The following KHDRBS2 variants were observed in gnomAD, a reference collection of about 807,000 sequenced individuals.
KHDRBS2 encodes the protein KH RNA binding domain containing, signal transduction associated 2.
In KHDRBS2, 26 loss-of-function variants were observed where a neutral mutation model predicts 44.3. The ratio of observed to expected loss-of-function variants is 0.59; its 90% CI spans 0.43 to 0.81. The LOEUF is 0.81. Among genes scored for constraint, KHDRBS2 ranks in the 40% least tolerant of loss-of-function variants. The pLI, the probability that KHDRBS2 is intolerant of heterozygous loss-of-function variation, is 0.00. For missense variants in KHDRBS2, 476 were observed against 433.1 expected (o/e 1.10, Z -0.88); for synonymous variants, 194 against 151.1 (o/e 1.28, Z -2.08).
intron 1 of KHDRBS2, among the ~76,000 whole-genome samples, chr6:62,195,731 G>A (rs2150134363): frequency 6.6e-6 from 1 of 152,176 alleles, no homozygotes; most frequent in African/African-American, 2.4e-5. Flanking sequence ...TACACAAAGT[G>A]TGCATAGTCC....
chr6:61,912,899 G>A (rs35951800), intron 4 of KHDRBS2, among the ~76,000 whole-genome samples: 10,235 of 152,058 alleles, frequency 0.067, 412 homozygotes, highest in Middle Eastern at 0.13. Flanking sequence ...GATCTCTTCC[G>A]TCTCCAACGC....
At chr6:61,820,415 G>A (rs77810017) in intron 6 of KHDRBS2, among the ~76,000 whole-genome samples, 10,072 of 151,984 alleles carry the variant, frequency 0.066, 395 homozygotes, top group Middle Eastern at 0.13. Context: ...GGCTTGAGCA[G>A]TGGGTGAATA....
intron 1 of KHDRBS2, among the ~76,000 whole-genome samples, chr6:62,208,644 TA>T (rs1412710563): frequency 1.3e-5 from 2 of 152,120 alleles, no homozygotes; most frequent in Non-Finnish European, 2.9e-5. Flanking sequence ...TTAATTTATT[TA>T]AAAACCTCCA....
Position 61,978,185 on chromosome 6 carries a change from CT to C in KHDRBS2, c.363del (p.Ala122ProfsTer6). 6.2e-7 allele frequency: 1 copy of C among 1,606,370 alleles called. No individual in the cohort carries two copies. The highest frequency in any genetic ancestry group is 8.5e-7 in the Non-Finnish European group (1 of 1,177,272). ...TCATCACTCAAGTGGGCATATTTGG[CT>C]TCCCCACTCTTCCTTAGTTCTTCTT... ...AKEEELRKSG[E>X]AKYAHLSDEL... On this transcript the variant is annotated frameshift_variant, in exon 4 of 9. Coordinates refer to ENST00000281156, the MANE Select transcript of KHDRBS2 (RefSeq NM_152688.4). LOFTEE classifies it high-confidence loss of function.
At chr6:61,816,877 C>T in intron 6 of KHDRBS2, 1 of 449,058 alleles carries the variant, frequency 2.2e-6, no homozygotes, top group Non-Finnish European at 4.5e-6. Flanking sequence ...CTAATTTAAA[C>T]CATACACTTT....
chr6:62,194,480 C>CTTTTTTTTTTTTTT (rs70996208), intron 1 of KHDRBS2, among the ~76,000 whole-genome samples: 21 of 69,768 alleles, frequency 3.0e-4, no homozygotes, highest in Non-Finnish European at 3.8e-4. Flanking sequence ...TCTTTTCTTC[C>CTTTTTTTTTTTTTT]TTTTTTTTTT....
At chr6:61,741,136 T>A (rs1776075758) in intron 6 of KHDRBS2, among the ~76,000 whole-genome samples, 2 of 151,924 alleles carry the variant, frequency 1.3e-5, no homozygotes, top group South Asian at 4.1e-4. Flanking sequence ...CCCATGCCAA[T>A]GTTTTTTGTT....
intron 7 of KHDRBS2, among the ~76,000 whole-genome samples, chr6:61,705,992 T>C (rs566329660): frequency 6.6e-6 from 1 of 151,860 alleles, no homozygotes; most frequent in African/African-American, 2.4e-5. Context: ...GCATCATCAT[T>C]GTATTCCCAG....
At chr6:61,642,737 G>A in the KHDRBS2 span, among the ~76,000 whole-genome samples, 1 of 151,868 alleles carries the variant, frequency 6.6e-6, no homozygotes, top group Non-Finnish European at 1.5e-5. Flanking sequence ...GGCATGTCAT[G>A]AGCCTATGTG....
At chr6:61,857,540 T>C (rs1395482884) in intron 6 of KHDRBS2, among the ~76,000 whole-genome samples, 1 of 151,940 alleles carries the variant, frequency 6.6e-6, no homozygotes, top group Non-Finnish European at 1.5e-5. Flanking sequence ...ATATAACTTA[T>C]AATCAATGTT....
chr6:62,020,643 A>T (rs1366690509), intron 3 of KHDRBS2, among the ~76,000 whole-genome samples: 8 of 151,970 alleles, frequency 5.3e-5, no homozygotes, highest in Non-Finnish European at 8.8e-5. Flanking sequence ...AAACTTTATA[A>T]TTTTTATATT....
At chr6:61,569,153 G>A in the KHDRBS2 span, among the ~76,000 whole-genome samples, 2 of 152,196 alleles carry the variant, frequency 1.3e-5, no homozygotes, top group Admixed American at 1.3e-4. Flanking sequence ...CCCTGGCACA[G>A]CAAAGGCAGC....
chr6:61,642,006 T>C, the KHDRBS2 span, among the ~76,000 whole-genome samples: 2 of 152,140 alleles, frequency 1.3e-5, no homozygotes, highest in Non-Finnish European at 2.9e-5. Context: ...AGAGATGAGG[T>C]AGCTTGTTTG....
At chr6:61,829,924 C>T (rs1171095318) in intron 6 of KHDRBS2, among the ~76,000 whole-genome samples, 4 of 152,004 alleles carry the variant, frequency 2.6e-5, no homozygotes, top group Non-Finnish European at 4.4e-5. Flanking sequence ...ATTTAAAAAC[C>T]CACTTTTTCC....
intron 1 of KHDRBS2, among the ~76,000 whole-genome samples, chr6:62,213,387 C>T (rs1206406851): frequency 6.6e-6 from 1 of 151,848 alleles, no homozygotes; most frequent in Non-Finnish European, 1.5e-5. Context: ...TGTGGATCCC[C>T]ACCTCTTTTA....
At chr6:61,968,721 A>C (rs1163721901) in intron 4 of KHDRBS2, among the ~76,000 whole-genome samples, 3 of 152,022 alleles carry the variant, frequency 2.0e-5, no homozygotes, top group Admixed American at 6.6e-5. Flanking sequence ...AGCATGAGAA[A>C]ACTTACAGCA....
At chr6:61,606,512 G>A in the KHDRBS2 span, among the ~76,000 whole-genome samples, 1 of 152,134 alleles carries the variant, frequency 6.6e-6, no homozygotes, top group Non-Finnish European at 1.5e-5. Context: ...AAGTGTGCGT[G>A]GAAGTCATAC....
intron 6 of KHDRBS2, among the ~76,000 whole-genome samples, chr6:61,848,726 T>C (rs933130338): frequency 3.2e-4 from 48 of 149,572 alleles, no homozygotes; most frequent in African/African-American, 1.1e-3. Context: ...CTCGAAATAC[T>C]GCAATCACAT....
intron 6 of KHDRBS2, among the ~76,000 whole-genome samples, chr6:61,853,282 G>A (rs186695205): frequency 2.6e-5 from 4 of 152,126 alleles, no homozygotes; most frequent in Admixed American, 2.6e-4. Flanking sequence ...GGTTATTAAG[G>A]CTATTTTTAT....
Sources: gnomAD v4.1 joint callset for allele counts (sites outside exome capture counted in the v4.1 genomes callset) on GRCh38, gnomAD v4.1.1 for gene constraint, MANE v1.5 for transcripts, NCBI Gene and HGNC (gene_info 2026-07-23, HGNC 2026-07-21) for gene names.